The following CTNNBIP1 variants were observed in gnomAD, a reference collection of about 807,000 sequenced individuals.
CTNNBIP1 encodes the protein beta-catenin-interacting protein 1.
A neutral mutation model predicts 11.8 loss-of-function variants in CTNNBIP1; 7 were observed. That is an observed-to-expected ratio of 0.60 (90% CI 0.34 to 1.12). CTNNBIP1 has a LOEUF of 1.12. Ranked by LOEUF, CTNNBIP1 falls within the 50% of genes most tolerant of loss-of-function variation. The pLI is 0.03. For missense variants in CTNNBIP1, 101 were observed against 113.4 expected, an observed-to-expected ratio of 0.89 and a Z score of 0.50; for synonymous variants, 58 against 43.9, an observed-to-expected ratio of 1.32 and a Z score of -1.26.
chr1:9,866,679 CAA>C (rs57899217), intron 5 of CTNNBIP1, among the ~76,000 whole-genome samples: 14 of 107,224 alleles, frequency 1.3e-4, no homozygotes, highest in African/African-American at 3.0e-4. Flanking sequence ...AACTCCTTCT[CAA>C]AAAAAAAAAA....
At chr1:9,863,175 T>C (rs2101458271) in intron 5 of CTNNBIP1, among the ~76,000 whole-genome samples, 1 of 152,256 alleles carries the variant, frequency 6.6e-6, no homozygotes, top group Middle Eastern at 3.4e-3. Flanking sequence ...TTCAGCACAT[T>C]CCTCGCTTTT....
intron 1 of CTNNBIP1, among the ~76,000 whole-genome samples, chr1:9,908,173 C>T (rs1350568333): frequency 1.3e-5 from 2 of 152,070 alleles, no homozygotes; most frequent in Non-Finnish European, 2.9e-5. Flanking sequence ...ATTCTCCTGC[C>T]TCAGCCTCCC....
In CTNNBIP1 at chr1:9,883,117, C is replaced by T. The variant is rs969059599; in HGVS notation, c.-110+588G>A. On this transcript the variant is annotated intron_variant, in intron 2 of 5. Transcript: ENST00000377263. This position sits in a 1 kb window ranked among gnomAD's most constrained non-coding sequence, Gnocchi z 5.6. ...GGGTGCCTGGGTGGCAGCAGCGGGA[C>T]GGCGCAGGAGGGTAGGTCAGGGACC... 5.3e-5 allele frequency among the ~76,000 whole-genome samples: 8 copies of T among 152,130 alleles called. No individual in the cohort carries two copies. The highest frequency in any genetic ancestry group is 1.2e-4 in the African/African-American group (5 of 41,484).
chr1:9,866,071 A>G (rs1264249423), intron 5 of CTNNBIP1, among the ~76,000 whole-genome samples: 3 of 152,224 alleles, frequency 2.0e-5, no homozygotes, highest in Non-Finnish European at 2.9e-5. Context: ...TTATTTGTCC[A>G]AACATGACAA....
chr1:9,908,672 A>G (rs1639670549), intron 1 of CTNNBIP1, among the ~76,000 whole-genome samples: 2 of 152,184 alleles, frequency 1.3e-5, no homozygotes, highest in South Asian at 4.1e-4. Flanking sequence ...ACAGATTCTT[A>G]TATGTAATCT....
intron 1 of CTNNBIP1, among the ~76,000 whole-genome samples, chr1:9,908,904 G>A (rs1297480377): frequency 6.6e-6 from 1 of 152,182 alleles, no homozygotes; most frequent in Non-Finnish European, 1.5e-5. Flanking sequence ...CCATAGAGGT[G>A]ATTTGTATTT....
chr1:9,868,989 T>C (rs1405544216), intron 5 of CTNNBIP1, among the ~76,000 whole-genome samples: 1 of 151,694 alleles, frequency 6.6e-6, no homozygotes, highest in Non-Finnish European at 1.5e-5. Context: ...CACCAGCTTC[T>C]TTGTCTTTTA....
At chr1:9,854,000 A>G (rs1411164739) in intron 5 of CTNNBIP1, among the ~76,000 whole-genome samples, 1 of 152,222 alleles carries the variant, frequency 6.6e-6, no homozygotes, top group African/African-American at 2.4e-5. Flanking sequence ...CTGAAAATCA[A>G]TGACTGTAAA....
intron 1 of CTNNBIP1, among the ~76,000 whole-genome samples, chr1:9,900,744 C>T (rs557466345): frequency 6.6e-6 from 1 of 152,218 alleles, no homozygotes; most frequent in Non-Finnish European, 1.5e-5. Context: ...GGCCAGCTTG[C>T]TTGCCTGTAA....
intron 5 of CTNNBIP1, among the ~76,000 whole-genome samples, chr1:9,855,995 A>G (rs1638494270): frequency 6.6e-6 from 1 of 151,994 alleles, no homozygotes; most frequent in Non-Finnish European, 1.5e-5. Flanking sequence ...AAAATATCAA[A>G]AAGTTAGCTG....
At position 9,872,051 on chromosome 1, in the gene CTNNBIP1, C is replaced by T; in HGVS notation, c.14G>A (p.Gly5Glu). 1 of 1,614,130 alleles carries T rather than the reference C, an allele frequency of 6.2e-7. No homozygotes were observed. Among genetic ancestry groups the T allele is most frequent in the South Asian group, 1.1e-5 (1 of 91,084 alleles). MNRE[G>E]APGKSPEEMY... ...CTCCTCCGGACTCTTCCCGGGAGCT[C>T]CCTCGCGGTTCATCCCCCTGCCTGG... Residue 5 changes from glycine to glutamate, a missense_variant, in exon 4 of 6, where the codon GGA (glycine) becomes GAA (glutamate). Physicochemically the swap from Gly to Glu is moderately conservative, Grantham distance 98. Transcript: ENST00000377263. The surrounding 1 kb of genome is among the most constrained non-coding windows in gnomAD (Gnocchi z 4.0).
chr1:9,886,079 G>A (rs942670244), intron 1 of CTNNBIP1, among the ~76,000 whole-genome samples: 1 of 151,256 alleles, frequency 6.6e-6, no homozygotes, highest in African/African-American at 2.5e-5. Context: ...TGGGGGATGG[G>A]AGTAAAAATA....
intron 2 of CTNNBIP1, among the ~76,000 whole-genome samples, chr1:9,881,350 T>C (rs1013105284): frequency 6.9e-6 from 1 of 144,308 alleles, no homozygotes; most frequent in African/African-American, 2.7e-5. Context: ...TTTTTTTTTT[T>C]TTTTTGAGAA....
At chr1:9,891,876 A>G (rs1463291363) in intron 1 of CTNNBIP1, among the ~76,000 whole-genome samples, 1 of 132,040 alleles carries the variant, frequency 7.6e-6, no homozygotes, top group Non-Finnish European at 1.5e-5. Flanking sequence ...ATCTCGTTTC[A>G]CTGCAACCTC....
intron 1 of CTNNBIP1, chr1:9,893,121 C>A (rs1295787097): frequency 6.6e-6 from 1 of 152,230 alleles, no homozygotes. Flanking sequence ...AGAAAAGACG[C>A]ACTTGCTCCA....
chr1:9,851,178 TG>T lies in CTNNBIP1; in HGVS notation c.188-403del, dbSNP rs1181852767. ...CTCTTTCTTCTCAAGACTCGCGTCT[TG>T]ATGCCTTCGGAGGGTCTGGCTCACT... is the stretch of plus-strand genomic sequence containing the variant. On this transcript the variant is annotated intron_variant, in intron 5 of 5. Coordinates refer to ENST00000377263, the MANE Select transcript of CTNNBIP1 (RefSeq NM_020248.3). The surrounding 1 kb of genome is among the most constrained non-coding windows in gnomAD (Gnocchi z 4.8). Among the ~76,000 whole-genome samples the T allele has an allele frequency of 3.9e-5, 6 of 152,294 alleles. No individual in the cohort carries two copies. The East Asian group carries it at 1.2e-3, about 29-fold the overall frequency.
intron 5 of CTNNBIP1, among the ~76,000 whole-genome samples, chr1:9,857,331 T>A (rs1286009857): frequency 6.7e-6 from 1 of 150,130 alleles, no homozygotes; most frequent in Non-Finnish European, 1.5e-5. Flanking sequence ...ATACAAAAAA[T>A]TAGCCGGGTG....
intron 2 of CTNNBIP1, 105 bp from the exon 3 acceptor site, chr1:9,878,094 T>G (rs1269277238): frequency 1.3e-5 from 2 of 152,510 alleles, no homozygotes; most frequent in African/African-American, 4.8e-5. Flanking sequence ...GCACAACCGC[T>G]GGCGGGAAGC....
At chr1:9,878,343 G>A (rs971388496) in intron 2 of CTNNBIP1, among the ~76,000 whole-genome samples, 1 of 152,192 alleles carries the variant, frequency 6.6e-6, no homozygotes, top group African/African-American at 2.4e-5. Flanking sequence ...CATCACTCCA[G>A]GAAAGTTGAT....
Sources: allele counts gnomAD v4.1 joint callset (sites outside exome capture counted in the v4.1 genomes callset), GRCh38; gene constraint gnomAD v4.1.1; non-coding constraint Gnocchi (gnomAD v3.1); transcripts MANE v1.5; gene names NCBI Gene and HGNC (gene_info 2026-07-23, HGNC 2026-07-21).